The following DPYS variants were observed in gnomAD, a reference collection of about 807,000 sequenced individuals.
DPYS encodes the protein dihydropyrimidine amidohydrolase.
Under a neutral mutation model 50.3 loss-of-function variants are expected in DPYS, and 39 were observed. That is an observed-to-expected ratio of 0.78 (90% CI 0.60 to 1.01). The LOEUF is 1.01. DPYS is among the 50% of genes least tolerant of loss of function. DPYS has a pLI of 0.00. For synonymous variants in DPYS, 245 were observed against 250.7 expected, an observed-to-expected ratio of 0.98 and a Z score of 0.22; for missense variants, 659 against 680.9, an observed-to-expected ratio of 0.97 and a Z score of 0.36.
chr8:104,389,602 C>G (rs1005375761), intron 8 of DPYS, among the ~76,000 whole-genome samples: 2 of 151,542 alleles, frequency 1.3e-5, no homozygotes, highest in Non-Finnish European at 2.9e-5. Flanking sequence ...GACCTTATCA[C>G]AAATCCTGGC....
intron 6 of DPYS, among the ~76,000 whole-genome samples, chr8:104,425,571 C>T (rs910687445): frequency 2.0e-5 from 3 of 151,966 alleles, no homozygotes; most frequent in Non-Finnish European, 2.9e-5. Flanking sequence ...ATCCACCTGC[C>T]TTAGCCTCCC....
chr8:104,408,394 T>G (rs958027310), intron 7 of DPYS, among the ~76,000 whole-genome samples: 2 of 152,216 alleles, frequency 1.3e-5, no homozygotes, highest in African/African-American at 2.4e-5. Context: ...GAATAGATAT[T>G]TCTCCATAAG....
At chr8:104,428,526 A>AAGACATCACC (rs1238686702) in intron 5 of DPYS, among the ~76,000 whole-genome samples, 1 of 152,260 alleles carries the variant, frequency 6.6e-6, no homozygotes, top group Non-Finnish European at 1.5e-5. Context: ...TGCATCCACA[A>AAGACATCACC]AGACATCACC....
In DPYS at chr8:104,394,105, T is replaced by C. The variant is rs375525995; in HGVS notation, c.1236-1114A>G. On this transcript the variant is annotated intron_variant, in intron 7 of 9. Transcript: ENST00000351513. ...CTTCACTTAGAATAATAGCATACTC[T>C]AAATTCTGGTAGAAGGTTCTACAAT... Among the ~76,000 whole-genome samples, 7 of 152,246 alleles carry C rather than the reference T, an allele frequency of 4.6e-5. No individual in the cohort carries two copies. In the South Asian group the frequency reaches 1.2e-3, roughly 27 times the overall value.
chr8:104,465,509 G>A (rs1814338328), intron 1 of DPYS, among the ~76,000 whole-genome samples: 1 of 152,088 alleles, frequency 6.6e-6, no homozygotes, highest in Admixed American at 6.6e-5. Context: ...CTTTACTTTA[G>A]CCCAAGTGCT....
intron 3 of DPYS, among the ~76,000 whole-genome samples, chr8:104,445,717 T>C (rs529773024): frequency 1.2e-4 from 19 of 152,110 alleles, no homozygotes; most frequent in Middle Eastern, 3.4e-3. Context: ...TAAGATCTAG[T>C]ACTTGATAGC....
chr8:104,383,263 T>C (rs1308899255), intron 8 of DPYS, among the ~76,000 whole-genome samples: 1 of 152,184 alleles, frequency 6.6e-6, no homozygotes, highest in African/African-American at 2.4e-5. Context: ...TTTTGTGTAA[T>C]TATCTGACTT....
intron 4 of DPYS, among the ~76,000 whole-genome samples, chr8:104,436,162 C>T (rs886459020): frequency 2.0e-5 from 3 of 152,296 alleles, no homozygotes; most frequent in East Asian, 1.9e-4. Context: ...GTTCAGGAAA[C>T]AGACACGCTT....
At chr8:104,422,823 C>G (rs1812590632) in intron 7 of DPYS, among the ~76,000 whole-genome samples, 1 of 152,214 alleles carries the variant, frequency 6.6e-6, no homozygotes, top group Non-Finnish European at 1.5e-5. Context: ...CAAGATGGCC[C>G]TGGGCAGGCC....
intron 8 of DPYS, among the ~76,000 whole-genome samples, chr8:104,383,254 T>C (rs1276320254): frequency 2.6e-5 from 4 of 152,186 alleles, no homozygotes; most frequent in Non-Finnish European, 5.9e-5. Flanking sequence ...CGCTTTCATT[T>C]TTGTGTAATT....
intron 7 of DPYS, among the ~76,000 whole-genome samples, chr8:104,405,439 A>G (rs1811964189): frequency 6.6e-6 from 1 of 152,192 alleles, no homozygotes; most frequent in African/African-American, 2.4e-5. Context: ...AATTACCTAC[A>G]CTGGAATTTT....
intron 7 of DPYS, among the ~76,000 whole-genome samples, chr8:104,416,414 A>G (rs1812370215): frequency 6.6e-6 from 1 of 152,202 alleles, no homozygotes; most frequent in Admixed American, 6.5e-5. Flanking sequence ...CCCTGACACC[A>G]TGGTACAGCC....
chr8:104,381,345 GGTTT>G (rs1408945973), intron 8 of DPYS, 31 bp from the exon 9 acceptor site: 2 of 1,600,222 alleles, frequency 1.2e-6, no homozygotes, highest in Admixed American at 3.3e-5. Context: ...TCTCTCTTGT[GGTTT>G]ATTTTCTTGA....
At chr8:104,461,727 T>C (rs1814178306) in intron 1 of DPYS, among the ~76,000 whole-genome samples, 1 of 152,142 alleles carries the variant, frequency 6.6e-6, no homozygotes, top group Non-Finnish European at 1.5e-5. Context: ...CAGGTTGTGA[T>C]ATCCAGAGAC....
intron 7 of DPYS, among the ~76,000 whole-genome samples, chr8:104,402,520 T>TG (rs1256466523): frequency 1.3e-5 from 2 of 152,220 alleles, no homozygotes; most frequent in African/African-American, 4.8e-5. Context: ...AATAACTTTC[T>TG]GGGGTGATGT....
chr8:104,445,293 T>C (rs188577249), intron 3 of DPYS, among the ~76,000 whole-genome samples: 1 of 152,286 alleles, frequency 6.6e-6, no homozygotes, highest in African/African-American at 2.4e-5. Context: ...AAAATCAGTA[T>C]ATCAAAGAGA....
chr8:104,445,644 G>A (rs577420142), intron 3 of DPYS, among the ~76,000 whole-genome samples: 13 of 152,172 alleles, frequency 8.5e-5, no homozygotes, highest in South Asian at 8.3e-4. Flanking sequence ...GAGGGATGGC[G>A]GTGGGGAGAG....
chr8:104,393,159 C>A (rs1811456740), intron 7 of DPYS, among the ~76,000 whole-genome samples, 168 bp from the exon 8 acceptor site: 1 of 152,186 alleles, frequency 6.6e-6, no homozygotes, highest in Non-Finnish European at 1.5e-5. Flanking sequence ...ATTAACATTT[C>A]ATTACAAAGT....
chr8:104,399,306 A>AC lies in DPYS; in HGVS notation c.1236-6316_1236-6315insG, dbSNP rs1204119936. On this transcript the variant is annotated intron_variant, in intron 7 of 9. Transcript: ENST00000351513. ...ACTCCATCTCAAAAAAAAAAAAAAA[A>AC]AAAACAACAACAAAAAAAAACCAAG... Among the ~76,000 whole-genome samples the AC allele has an allele frequency of 7.7e-4, 30 of 38,726 alleles. 2 individuals carry two copies. Among genetic ancestry groups the AC allele is most frequent in the Non-Finnish European group, 1.7e-3 (19 of 10,872 alleles). The allele number at this position is 38,726 out of a possible 152,430, so 25.4% of individuals were successfully genotyped here.
Sources: gnomAD v4.1 joint callset for allele counts (sites outside exome capture counted in the v4.1 genomes callset) on GRCh38, gnomAD v4.1.1 for gene constraint, MANE v1.5 for transcripts, NCBI Gene and HGNC (gene_info 2026-07-23, HGNC 2026-07-21) for gene names.